The following OR6N1 variants were observed in gnomAD, a reference collection of about 807,000 sequenced individuals.
The protein encoded by OR6N1 is olfactory receptor 6N1.
For synonymous variants in OR6N1, 170 were observed against 150.7 expected, an observed-to-expected ratio of 1.13 and a Z score of -0.94; for missense variants, 394 against 371.7, an observed-to-expected ratio of 1.06 and a Z score of -0.49.
chr1:158,771,543 A>G (rs1228107815), intron 1 of OR6N1, among the ~76,000 whole-genome samples: 2 of 152,236 alleles, frequency 1.3e-5, no homozygotes, highest in Non-Finnish European at 2.9e-5. Flanking sequence ...GTCCATTGAA[A>G]TCATAGTTTA....
the OR6N1 span, among the ~76,000 whole-genome samples, chr1:158,839,840 T>G: frequency 6.6e-6 from 1 of 152,232 alleles, no homozygotes; most frequent in African/African-American, 2.4e-5. Flanking sequence ...TGTTCTTTAT[T>G]TGGTGTTTCC....
the OR6N1 span, among the ~76,000 whole-genome samples, chr1:158,796,480 T>G: frequency 6.6e-6 from 1 of 152,226 alleles, no homozygotes; most frequent in East Asian, 1.9e-4. Flanking sequence ...GGTTCTTTCC[T>G]CTGCCTGATC....
chr1:158,793,461 TC>T, the OR6N1 span, among the ~76,000 whole-genome samples: 1 of 152,228 alleles, frequency 6.6e-6, no homozygotes, highest in African/African-American at 2.4e-5. Flanking sequence ...ATTTATATTT[TC>T]CCCTTTAGGA....
chr1:158,814,727 T>G, the OR6N1 span, among the ~76,000 whole-genome samples: 1 of 152,166 alleles, frequency 6.6e-6, no homozygotes, highest in African/African-American at 2.4e-5. Flanking sequence ...CCTCACCTCT[T>G]AGTACCCCTT....
the OR6N1 span, among the ~76,000 whole-genome samples, chr1:158,824,254 A>G: frequency 6.6e-6 from 1 of 152,114 alleles, no homozygotes; most frequent in Non-Finnish European, 1.5e-5. Flanking sequence ...GTTTCTCTGC[A>G]CAAGCTCTCT....
chr1:158,815,529 A>G, the OR6N1 span, among the ~76,000 whole-genome samples: 1 of 152,204 alleles, frequency 6.6e-6, no homozygotes. Flanking sequence ...AGAGATATAC[A>G]CAGGATGCTC....
chr1:158,802,199 C>CTTT, the OR6N1 span, among the ~76,000 whole-genome samples: 5 of 105,198 alleles, frequency 4.8e-5, no homozygotes, highest in Non-Finnish European at 7.1e-5. Context: ...CCTCATAGCA[C>CTTT]TTTTTTTTTT....
the OR6N1 span, chr1:158,777,771 T>C: frequency 1.2e-5 from 7 of 602,766 alleles, no homozygotes; most frequent in Admixed American, 2.1e-4. Context: ...CCCTCACTAC[T>C]ATTACTATTA....
the OR6N1 span, among the ~76,000 whole-genome samples, chr1:158,836,357 ACTTTT>A: frequency 1.3e-5 from 2 of 151,964 alleles, no homozygotes; most frequent in South Asian, 2.1e-4. Flanking sequence ...CTTAGTCTGG[ACTTTT>A]CTTTATTGAG....
the OR6N1 span, among the ~76,000 whole-genome samples, chr1:158,802,570 A>T: frequency 2.6e-5 from 4 of 151,968 alleles, no homozygotes; most frequent in African/African-American, 7.3e-5. Context: ...TTTTTTTGCA[A>T]GGAGATTTCT....
intron 1 of OR6N1, among the ~76,000 whole-genome samples, chr1:158,767,873 C>G (rs988836752): frequency 1.3e-5 from 2 of 152,170 alleles, no homozygotes; most frequent in African/African-American, 4.8e-5. Context: ...ATTTATACTA[C>G]CACCACTCCA....
the OR6N1 span, among the ~76,000 whole-genome samples, chr1:158,813,273 G>A: frequency 6.6e-6 from 1 of 152,138 alleles, no homozygotes. Context: ...TTATCCTGCA[G>A]ATGTGTATAC....
At chr1:158,782,383 A>T in the OR6N1 span, among the ~76,000 whole-genome samples, 1 of 152,174 alleles carries the variant, frequency 6.6e-6, no homozygotes, top group South Asian at 2.1e-4. Context: ...TTACCTTTAA[A>T]CTGAACATAT....
the OR6N1 span, among the ~76,000 whole-genome samples, chr1:158,806,957 C>T: frequency 1.8e-4 from 26 of 143,784 alleles, no homozygotes; most frequent in South Asian, 4.1e-3. Flanking sequence ...GAGCTGAGAT[C>T]GCGCCATTGC....
At chr1:158,839,411 C>T in the OR6N1 span, among the ~76,000 whole-genome samples, 6 of 152,120 alleles carry the variant, frequency 3.9e-5, no homozygotes, top group Admixed American at 1.3e-4. Flanking sequence ...TACTGTATTC[C>T]TCTATCCATA....
the OR6N1 span, among the ~76,000 whole-genome samples, chr1:158,809,729 G>C: frequency 6.6e-6 from 1 of 152,100 alleles, no homozygotes; most frequent in Non-Finnish European, 1.5e-5. Context: ...CCTCCCAAAA[G>C]TGACTGTTGA....
chr1:158,839,241 C>A, the OR6N1 span, among the ~76,000 whole-genome samples: 1 of 152,108 alleles, frequency 6.6e-6, no homozygotes, highest in Non-Finnish European at 1.5e-5. Context: ...CACTCTTCAG[C>A]TAAGTATGAA....
In OR6N1 at chr1:158,765,940, A is replaced by G. The variant is rs138590619; in HGVS notation, c.743T>C (p.Val248Ala). 1.5e-5 allele frequency: 25 copies of G among 1,614,168 alleles called. No homozygotes were observed. The African/African-American group carries it at 3.1e-4, about 20-fold the overall frequency. The change falls in exon 2 of 2, where the codon GTT (valine) becomes GCT (alanine). Residue 248 changes from valine (V) to alanine (A), a missense_variant. Coordinates refer to ENST00000641846, the MANE Select transcript of OR6N1 (RefSeq NM_001005185.2). ...ISTCASHFTV[V>A]LIFYGSILSM... Reference sequence around the variant, plus strand: ...AAGGATGCTCCCATAGAAGATGAGAACCACAGTGAAGTGGGAGGCACACGT... The same window carrying G: ...AAGGATGCTCCCATAGAAGATGAGAGCCACAGTGAAGTGGGAGGCACACGT...
the OR6N1 span, among the ~76,000 whole-genome samples, chr1:158,801,774 AG>A: frequency 1.1e-4 from 16 of 152,198 alleles, no homozygotes; most frequent in South Asian, 2.1e-4. Flanking sequence ...ATGTCCCTGG[AG>A]TTTTCTTTCC....
Sources: allele counts gnomAD v4.1 joint callset (sites outside exome capture counted in the v4.1 genomes callset), GRCh38; gene constraint gnomAD v4.1.1; transcripts MANE v1.5; gene names NCBI Gene and HGNC (gene_info 2026-07-23, HGNC 2026-07-21).